The following TMEM11 variants were observed in gnomAD, a reference collection of about 807,000 sequenced individuals.
TMEM11 encodes the protein transmembrane protein 11.
TMEM11 carries 1 observed loss-of-function variant against 17.0 expected under a neutral mutation model. The observed-to-expected ratio is 0.06, with a 90% confidence interval of 0.02 to 0.28. The LOEUF (loss-of-function observed/expected upper bound fraction) is 0.28, where lower values mean the gene tolerates loss of function less well. Ranked by LOEUF, TMEM11 falls within the 10% of genes least tolerant of loss-of-function variation. TMEM11 has a pLI of 1.00. For synonymous variants in TMEM11, 122 were observed against 118.1 expected (o/e 1.03, Z -0.21); for missense variants, 172 against 252.9 (o/e 0.68, Z 2.17).
intron 1 of TMEM11, chr17:21,213,873 C>T: frequency 1.8e-6 from 1 of 568,842 alleles, no homozygotes; most frequent in Non-Finnish European, 3.1e-6. Flanking sequence ...TTACTCAGCC[C>T]GGCTAACGCC....
chr17:21,209,981 C>A (rs905779394), intron 1 of TMEM11, among the ~76,000 whole-genome samples: 1 of 152,208 alleles, frequency 6.6e-6, no homozygotes. Context: ...GGGCGGAACA[C>A]CGTGGCAGTC....
intron 1 of TMEM11, among the ~76,000 whole-genome samples, chr17:21,209,250 A>T (rs1567637269): frequency 1.3e-5 from 2 of 152,144 alleles, no homozygotes. Flanking sequence ...GGGAGTCGAG[A>T]GGGTGGATTC....
Position 21,198,549 on chromosome 17 carries a change from G to A in TMEM11, c.354C>T (p.Cys118=), listed in dbSNP as rs1181108351. 6.2e-6 allele frequency: 10 copies of A among 1,614,136 alleles called. No individual in the cohort carries two copies. The Admixed American group carries it at 1.7e-4, about 27-fold the overall frequency. ...GCCAGGAGATCCCATAGAGGGTGCA[G>A]CAGGCCAGGCTCAGCACACCAGCGG... is the stretch of plus-strand genomic sequence containing the variant. ...SLPAGVLSLA[C]CTLYGISWQF... Residue 118 remains cysteine, a synonymous_variant, in exon 2 of 2, where the codon TGC becomes TGT. Transcript: ENST00000317635. This position sits in a 1 kb window ranked among gnomAD's most constrained non-coding sequence, Gnocchi z 6.5.
intron 1 of TMEM11, among the ~76,000 whole-genome samples, chr17:21,210,015 T>A (rs1014664916): frequency 9.9e-5 from 15 of 152,042 alleles, no homozygotes; most frequent in Admixed American, 2.0e-4. Context: ...GTGTGCTCGG[T>A]CATGGAGTGC....
At position 21,198,851 on chromosome 17, in the gene TMEM11, A is replaced by C. The variant is rs757610322; in HGVS notation, c.63-11T>G. 7 of 1,601,982 alleles carry C rather than the reference A, an allele frequency of 4.4e-6. No individual in the cohort carries two copies. In the East Asian group the frequency reaches 1.6e-4, roughly 36 times the overall value. ...GCCGACAAGCTCACCCTTTTGATGG[A>C]GGGGGCAGGAAAGGGAGAGAGAGAG... On this transcript the variant is annotated splice_polypyrimidine_tract_variant and intron_variant, in intron 1 of 1. Coordinates refer to ENST00000317635, the MANE Select transcript of TMEM11 (RefSeq NM_003876.3). This position sits in a 1 kb window ranked among gnomAD's most constrained non-coding sequence, Gnocchi z 6.5.
intron 1 of TMEM11, among the ~76,000 whole-genome samples, chr17:21,207,396 G>A (rs1974953630): frequency 6.6e-6 from 1 of 151,912 alleles, no homozygotes; most frequent in Admixed American, 6.6e-5. Flanking sequence ...TGGGCGTGGT[G>A]GTGCATGCCT....
At chr17:21,208,160 T>C (rs1974964802) in intron 1 of TMEM11, among the ~76,000 whole-genome samples, 1 of 150,358 alleles carries the variant, frequency 6.7e-6, no homozygotes, top group African/African-American at 2.4e-5. Flanking sequence ...GCCCGGCTAA[T>C]TTTTTGTATT....
rs540184569 is a variant in TMEM11 at position 21,212,431 on chromosome 17, C to T, written c.62+1660G>A. ...CCAAGAACTGGAACCAAGCACTTGT[C>T]CCGACCAAAAAGAGTCAGCCACTAC... On this transcript the variant is annotated intron_variant, in intron 1 of 1. Coordinates refer to ENST00000317635, the MANE Select transcript of TMEM11 (RefSeq NM_003876.3). Among the ~76,000 whole-genome samples, 221 of 152,276 alleles carry T rather than the reference C, an allele frequency of 1.5e-3. 2 individuals carry two copies. The highest frequency in any genetic ancestry group is 2.6e-3 in the Non-Finnish European group (180 of 68,014).
At chr17:21,209,524 TG>T (rs1974979810) in intron 1 of TMEM11, among the ~76,000 whole-genome samples, 1 of 152,220 alleles carries the variant, frequency 6.6e-6, no homozygotes, top group African/African-American at 2.4e-5. Flanking sequence ...CCCAGCACTT[TG>T]GGAGGCCAGG....
intron 1 of TMEM11, among the ~76,000 whole-genome samples, chr17:21,207,200 C>T (rs1424637913): frequency 2.6e-5 from 4 of 152,260 alleles, no homozygotes; most frequent in Middle Eastern, 6.8e-3. Flanking sequence ...ATATTGTAAA[C>T]ATAACTTTTG....
chr17:21,198,184 G>C lies in TMEM11; in HGVS notation c.*140C>G, dbSNP rs1417265162. Reference sequence around the variant, plus strand: ...GCTGAAAAACCCTGGGTACACCCGTGATCTGTTATTTTTTAAAAATAACAA... The same window carrying C: ...GCTGAAAAACCCTGGGTACACCCGTCATCTGTTATTTTTTAAAAATAACAA... On this transcript the variant is annotated 3_prime_UTR_variant, in exon 2 of 2. Coordinates refer to ENST00000317635, the MANE Select transcript of TMEM11 (RefSeq NM_003876.3). This position sits in a 1 kb window ranked among gnomAD's most constrained non-coding sequence, Gnocchi z 6.5. 1 of 1,122,934 alleles carries C rather than the reference G, an allele frequency of 8.9e-7. No individual in the cohort carries two copies. The highest frequency in any genetic ancestry group is 1.3e-6 in the Non-Finnish European group (1 of 789,886). The allele number at this position is 1,122,934 out of a possible 1,614,324, so 69.6% of individuals were successfully genotyped here.
At chr17:21,203,454 C>T (rs1480884065) in intron 1 of TMEM11, among the ~76,000 whole-genome samples, 13 of 152,132 alleles carry the variant, frequency 8.5e-5, no homozygotes, top group African/African-American at 2.7e-4. Context: ...CGGTGGCTCA[C>T]GCCTGTAATC....
chr17:21,210,013 G>T (rs374924892), intron 1 of TMEM11, among the ~76,000 whole-genome samples: 1 of 152,108 alleles, frequency 6.6e-6, no homozygotes. Context: ...GGGTGTGCTC[G>T]GTCATGGAGT....
At chr17:21,200,806 A>T (rs1974875198) in intron 1 of TMEM11, among the ~76,000 whole-genome samples, 1 of 152,226 alleles carries the variant, frequency 6.6e-6, no homozygotes, top group South Asian at 2.1e-4. Flanking sequence ...CTGTCCTGGC[A>T]GGCACACCTG....
chr17:21,203,487 T>C (rs1974905772), intron 1 of TMEM11, among the ~76,000 whole-genome samples: 1 of 130,270 alleles, frequency 7.7e-6, no homozygotes, highest in South Asian at 2.5e-4. Context: ...GAGGCAAAGG[T>C]GTGCAGATCA....
At chr17:21,201,892 A>G (rs1974886674) in intron 1 of TMEM11, among the ~76,000 whole-genome samples, 1 of 152,214 alleles carries the variant, frequency 6.6e-6, no homozygotes, top group Admixed American at 6.5e-5. Context: ...TTGGCCTCCC[A>G]AAGTCCTGGG....
intron 1 of TMEM11, among the ~76,000 whole-genome samples, chr17:21,200,559 G>A (rs75947301): frequency 0.011 from 1,722 of 152,196 alleles, 44 homozygotes; most frequent in African/African-American, 0.039. Context: ...CAGGATGGTC[G>A]GACCCATCTG....
At chr17:21,203,945 G>C (rs1426169690) in intron 1 of TMEM11, among the ~76,000 whole-genome samples, 1 of 122,356 alleles carries the variant, frequency 8.2e-6, no homozygotes, top group African/African-American at 3.2e-5. Flanking sequence ...TGGTGCATGG[G>C]AGATCTTTTT....
chr17:21,209,983 G>A (rs1408101487), intron 1 of TMEM11, among the ~76,000 whole-genome samples: 3 of 152,170 alleles, frequency 2.0e-5, no homozygotes, highest in Admixed American at 6.5e-5. Context: ...GCGGAACACC[G>A]TGGCAGTCAG....
Sources: allele counts gnomAD v4.1 joint callset (sites outside exome capture counted in the v4.1 genomes callset), GRCh38; gene constraint gnomAD v4.1.1; non-coding constraint Gnocchi (gnomAD v3.1); transcripts MANE v1.5; gene names NCBI Gene and HGNC (gene_info 2026-07-23, HGNC 2026-07-21).